KCNN2: variants seen among roughly 807,000 people sequenced by gnomAD.
KCNN2 encodes potassium calcium-activated channel subfamily N member 2, also known as small conductance calcium-activated potassium channel protein 2.
In KCNN2, 24 loss-of-function variants were observed where a neutral mutation model predicts 55.5. The observed-to-expected ratio is 0.43, with a 90% confidence interval of 0.31 to 0.61. The LOEUF (loss-of-function observed/expected upper bound fraction) is 0.61. KCNN2 is among the 20% of genes least tolerant of loss of function. KCNN2 has a pLI of 0.08. For synonymous variants in KCNN2, 431 were observed against 336.1 expected (o/e 1.28, Z -3.09); for missense variants, 754 against 853.6 (o/e 0.88, Z 1.45).
At chr5:114,431,311 T>A (rs1759785989) in intron 3 of KCNN2, among the ~76,000 whole-genome samples, 1 of 152,054 alleles carries the variant, frequency 6.6e-6, no homozygotes, top group Non-Finnish European at 1.5e-5. Context: ...CTTGTGTGAT[T>A]TTTGGCAGAT....
chr5:114,160,476 T>C (rs1752746610), intron 1 of KCNN2, among the ~76,000 whole-genome samples: 1 of 152,230 alleles, frequency 6.6e-6, no homozygotes, highest in Non-Finnish European at 1.5e-5. Context: ...AGAATGTATA[T>C]TCTGTTGATT....
chr5:114,269,703 C>A (rs1755284557), intron 2 of KCNN2, among the ~76,000 whole-genome samples: 1 of 152,162 alleles, frequency 6.6e-6, no homozygotes, highest in South Asian at 2.1e-4. Context: ...GTAAGAATGT[C>A]TTTCCTTTCA....
intron 2 of KCNN2, among the ~76,000 whole-genome samples, chr5:114,262,651 A>G (rs1458048653): frequency 6.6e-6 from 1 of 152,230 alleles, no homozygotes; most frequent in Non-Finnish European, 1.5e-5. Context: ...TCTTCATGGC[A>G]TGAGAAGTGC....
intron 3 of KCNN2, among the ~76,000 whole-genome samples, chr5:114,409,467 C>T (rs142506688): frequency 4.6e-5 from 7 of 152,188 alleles, no homozygotes; most frequent in Admixed American, 2.6e-4. Flanking sequence ...ATATAACACA[C>T]AGCTTTTCTA....
At chr5:114,168,125 T>A (rs1303203452) in intron 1 of KCNN2, among the ~76,000 whole-genome samples, 1 of 150,908 alleles carries the variant, frequency 6.6e-6, no homozygotes, top group Non-Finnish European at 1.5e-5. Context: ...ATATGTAGCA[T>A]TATATATGTG....
At chr5:114,478,508 A>G (rs1323450419) in intron 5 of KCNN2, among the ~76,000 whole-genome samples, 1 of 152,120 alleles carries the variant, frequency 6.6e-6, no homozygotes, top group Admixed American at 6.6e-5. Context: ...TCCTCAGCCT[A>G]GCAAGACAGG....
At chr5:114,467,619 T>C (rs963289527) in intron 4 of KCNN2, among the ~76,000 whole-genome samples, 1 of 152,116 alleles carries the variant, frequency 6.6e-6, no homozygotes, top group Non-Finnish European at 1.5e-5. Context: ...GCCTTTTCAG[T>C]CATAAGGCTA....
At chr5:114,056,232 C>G (rs1173376343) in exon 1 of KCNN2, 1 of 396,028 alleles carries the variant, frequency 2.5e-6, no homozygotes, top group Non-Finnish European at 4.4e-6. Flanking sequence ...AGCTCTCCGG[C>G]TGGCTCTCTG....
At chr5:114,228,883 C>G (rs1248884143) in intron 2 of KCNN2, among the ~76,000 whole-genome samples, 1 of 151,740 alleles carries the variant, frequency 6.6e-6, no homozygotes, top group Non-Finnish European at 1.5e-5. Flanking sequence ...GTTTTGCTTT[C>G]AAAAATAAAA....
intron 1 of KCNN2, among the ~76,000 whole-genome samples, chr5:114,127,592 G>T (rs1751965331): frequency 6.6e-6 from 1 of 152,168 alleles, no homozygotes; most frequent in East Asian, 1.9e-4. Flanking sequence ...GGGAGGGGCT[G>T]CTGGGAAGGT....
chr5:114,414,263 A>G (rs973253884), intron 3 of KCNN2, among the ~76,000 whole-genome samples: 3 of 152,214 alleles, frequency 2.0e-5, no homozygotes, highest in Non-Finnish European at 2.9e-5. Context: ...TCTGCCTTCT[A>G]TTATAATGTT....
In KCNN2 at chr5:114,322,576, T is replaced by TACACACACAC. The variant is rs113249707; in HGVS notation, c.-184-38349_-184-38340dup. ...GTGCACATATGCATACACTCCCCCA[T>TACACACACAC]ACACACACACACACACACACACACA... On this transcript the variant is annotated intron_variant, in intron 2 of 10. Transcript: ENST00000512097. 9.0e-3 allele frequency among the ~76,000 whole-genome samples: 1,335 copies of TACACACACAC among 148,706 alleles called. 7 individuals carry two copies. Among genetic ancestry groups the TACACACACAC allele is most frequent in the Admixed American group, 0.015 (220 of 14,900 alleles).
At chr5:114,241,800 A>G (rs1174612780) in intron 2 of KCNN2, among the ~76,000 whole-genome samples, 4,123 of 30,550 alleles carry the variant, frequency 0.13, 1,125 homozygotes, top group South Asian at 0.3. Context: ...ATATGTATAT[A>G]TATACGTATA....
intron 2 of KCNN2, among the ~76,000 whole-genome samples, chr5:114,286,187 C>T (rs1308604940): frequency 6.6e-6 from 1 of 152,116 alleles, no homozygotes; most frequent in Non-Finnish European, 1.5e-5. Context: ...GGAGAAGCCA[C>T]CTCCACTGGC....
At chr5:114,272,678 C>T (rs919866883) in intron 2 of KCNN2, among the ~76,000 whole-genome samples, 5 of 151,948 alleles carry the variant, frequency 3.3e-5, no homozygotes, top group South Asian at 2.1e-4. Context: ...ATGGCTTATT[C>T]ATATATATTT....
chr5:114,348,262 A>G (rs1757148911), intron 2 of KCNN2, among the ~76,000 whole-genome samples: 1 of 134,630 alleles, frequency 7.4e-6, no homozygotes, highest in Non-Finnish European at 1.6e-5. Context: ...ATTAATGGCC[A>G]CAAGAAGCCA....
intron 1 of KCNN2, among the ~76,000 whole-genome samples, chr5:114,153,528 C>T (rs1217075780): frequency 6.6e-6 from 1 of 152,138 alleles, no homozygotes. Flanking sequence ...ATAGCAGTAG[C>T]TAGGGTTTAT....
chr5:114,119,809 A>G (rs1751789689), intron 1 of KCNN2, among the ~76,000 whole-genome samples: 4 of 152,164 alleles, frequency 2.6e-5, no homozygotes, highest in South Asian at 2.1e-4. Flanking sequence ...CAAAGTGACT[A>G]TAGCCCAAAG....
At chr5:114,281,236 T>A (rs1755617354) in intron 2 of KCNN2, among the ~76,000 whole-genome samples, 1 of 152,166 alleles carries the variant, frequency 6.6e-6, no homozygotes, top group Admixed American at 6.6e-5. Flanking sequence ...TCTTTGAGTG[T>A]TTGTTTGTAT....
Sources: allele counts gnomAD v4.1 joint callset (sites outside exome capture counted in the v4.1 genomes callset), GRCh38; gene constraint gnomAD v4.1.1; transcripts MANE v1.5; gene names NCBI Gene and HGNC (gene_info 2026-07-23, HGNC 2026-07-21).